SLC24A3: variants seen among roughly 807,000 people sequenced by gnomAD.
The protein encoded by SLC24A3 is sodium/potassium/calcium exchanger 3.
A neutral mutation model predicts 75.8 loss-of-function variants in SLC24A3; 28 were observed. The ratio of observed to expected loss-of-function variants is 0.37; its 90% CI spans 0.27 to 0.51. SLC24A3 has a LOEUF of 0.51. SLC24A3 is among the 20% of genes least tolerant of loss of function. The pLI is 0.94. For missense variants in SLC24A3, 663 were observed against 847.8 expected (o/e 0.78, Z 2.71); for synonymous variants, 372 against 334.1 (o/e 1.11, Z -1.24).
At chr20:19,515,611 C>CT in intron 3 of SLC24A3, 47 bp downstream of exon 3, 1 of 1,597,342 alleles carries the variant, frequency 6.3e-7, no homozygotes, top group Non-Finnish European at 8.6e-7. Context: ...TAGGCTAGGC[C>CT]TAGGGGTGTG....
intron 2 of SLC24A3, among the ~76,000 whole-genome samples, chr20:19,435,657 C>T (rs1209097999): frequency 6.6e-6 from 1 of 152,176 alleles, no homozygotes; most frequent in Non-Finnish European, 1.5e-5. Context: ...GGAGTGCCCA[C>T]CCCTGACAAG....
At chr20:19,690,713 G>A (rs904489691) in intron 12 of SLC24A3, among the ~76,000 whole-genome samples, 1 of 152,112 alleles carries the variant, frequency 6.6e-6, no homozygotes, top group Non-Finnish European at 1.5e-5. Flanking sequence ...GGATTCTGCA[G>A]CATCTGGAAG....
chr20:19,406,516 C>T (rs1278278729), intron 2 of SLC24A3, among the ~76,000 whole-genome samples: 2 of 152,084 alleles, frequency 1.3e-5, no homozygotes, highest in African/African-American at 4.8e-5. Flanking sequence ...ATTGCCAGTC[C>T]ACTCTGAACA....
intron 2 of SLC24A3, among the ~76,000 whole-genome samples, chr20:19,430,543 C>T (rs1257172214): frequency 6.6e-6 from 1 of 152,130 alleles, no homozygotes; most frequent in Non-Finnish European, 1.5e-5. Flanking sequence ...AGAACGTGGA[C>T]TATAGGATTT....
chr20:19,275,690 A>G (rs1332254080), intron 1 of SLC24A3, among the ~76,000 whole-genome samples: 2 of 152,134 alleles, frequency 1.3e-5, no homozygotes, highest in Non-Finnish European at 2.9e-5. Context: ...GGGTGAGCAC[A>G]CAGCTCTGTA....
At chr20:19,406,920 G>A (rs529747942) in intron 2 of SLC24A3, among the ~76,000 whole-genome samples, 46 of 152,320 alleles carry the variant, frequency 3.0e-4, no homozygotes, top group Admixed American at 1.6e-3. Context: ...TGTGAAGGGA[G>A]GGGTCCAGTA....
chr20:19,281,068 C>T lies in SLC24A3; in HGVS notation c.252C>T (p.Ser84=). Residue 84 remains serine, a synonymous_variant, in exon 2 of 17, where the codon AGC becomes AGT. Transcript: ENST00000328041. The part of the protein sequence containing the change: ...LTSEDAGLRN[S]KNCTEPALHE... ...CCGAAGATGCCGGACTCCGGAACAGCAAGAACTGCACCGAACCAGGTAACA... is the reference window on the plus strand; with the variant it reads ...CCGAAGATGCCGGACTCCGGAACAGTAAGAACTGCACCGAACCAGGTAACA... The T allele has an allele frequency of 6.2e-7, 1 of 1,614,140 alleles. No homozygotes were observed. Among genetic ancestry groups the T allele is most frequent in the Non-Finnish European group, 8.5e-7 (1 of 1,179,998 alleles).
chr20:19,474,734 G>A (rs1407409019), intron 2 of SLC24A3, among the ~76,000 whole-genome samples: 1 of 152,070 alleles, frequency 6.6e-6, no homozygotes, highest in Admixed American at 6.6e-5. Context: ...TTGTGTGTGT[G>A]GTAAGAACAT....
chr20:19,454,530 A>G (rs1243030361), intron 2 of SLC24A3, among the ~76,000 whole-genome samples: 1 of 152,194 alleles, frequency 6.6e-6, no homozygotes, highest in African/African-American at 2.4e-5. Flanking sequence ...TTCATGGCCC[A>G]GGCTTGGGGG....
intron 3 of SLC24A3, among the ~76,000 whole-genome samples, chr20:19,576,527 C>T (rs1488261992): frequency 2.0e-5 from 3 of 152,174 alleles, no homozygotes; most frequent in Non-Finnish European, 4.4e-5. Flanking sequence ...CATCACCTCG[C>T]AGGCCTCTCT....
chr20:19,285,192 A>C (rs1209575366), intron 2 of SLC24A3, among the ~76,000 whole-genome samples: 1 of 152,168 alleles, frequency 6.6e-6, no homozygotes, highest in Non-Finnish European at 1.5e-5. Flanking sequence ...TTTCAAAAAA[A>C]TGGCACTGGG....
rs548258535 is a variant in SLC24A3, at chr20:19,312,711, G to A, written c.271+31624G>A. ...TTTGTTGCCCTCACACCTTTTGTCT[G>A]GACTTTATGTTGACAAGTGTGATGG... On this transcript the variant is annotated intron_variant, in intron 2 of 16. Coordinates refer to ENST00000328041, the MANE Select transcript of SLC24A3 (RefSeq NM_020689.4). 7.9e-5 allele frequency among the ~76,000 whole-genome samples: 12 copies of A among 152,300 alleles called. No homozygotes were observed. The South Asian group carries it at 2.5e-3, about 32-fold the overall frequency.
At chr20:19,442,171 G>A (rs150566855) in intron 2 of SLC24A3, among the ~76,000 whole-genome samples, 243 of 152,312 alleles carry the variant, frequency 1.6e-3, no homozygotes, top group African/African-American at 5.6e-3. Context: ...GAATATTTAT[G>A]TGTAGGCTGT....
chr20:19,541,056 A>G (rs925243282), intron 3 of SLC24A3, among the ~76,000 whole-genome samples: 3 of 152,204 alleles, frequency 2.0e-5, no homozygotes, highest in African/African-American at 7.2e-5. Context: ...TGCTTTAAGA[A>G]AACCCCATAC....
chr20:19,272,047 G>A (rs745426510), intron 1 of SLC24A3, among the ~76,000 whole-genome samples: 5 of 152,246 alleles, frequency 3.3e-5, no homozygotes, highest in Non-Finnish European at 5.9e-5. Context: ...ACTCCCATGT[G>A]GATGCTGAAG....
At chr20:19,581,802 G>A (rs2031222176) in intron 4 of SLC24A3, among the ~76,000 whole-genome samples, 1 of 152,116 alleles carries the variant, frequency 6.6e-6, no homozygotes, top group Non-Finnish European at 1.5e-5. Flanking sequence ...AAGTCTTCAG[G>A]CTTTTCTCTA....
intron 2 of SLC24A3, among the ~76,000 whole-genome samples, chr20:19,463,404 G>A (rs1159517911): frequency 6.6e-6 from 1 of 152,308 alleles, no homozygotes; most frequent in East Asian, 1.9e-4. Flanking sequence ...AATGTCACAG[G>A]CTCCCAGAAT....
chr20:19,282,160 T>C (rs1205807538), intron 2 of SLC24A3, among the ~76,000 whole-genome samples: 1 of 152,214 alleles, frequency 6.6e-6, no homozygotes, highest in Non-Finnish European at 1.5e-5. Context: ...GTCAGAGAAT[T>C]GCAGGTCTGC....
chr20:19,337,439 C>T (rs918628409), intron 2 of SLC24A3, among the ~76,000 whole-genome samples: 2 of 145,906 alleles, frequency 1.4e-5, no homozygotes, highest in Non-Finnish European at 3.0e-5. Context: ...AGCGAAACTC[C>T]ATCTCAAAAT....
Sources: allele counts gnomAD v4.1 joint callset (sites outside exome capture counted in the v4.1 genomes callset), GRCh38; gene constraint gnomAD v4.1.1; transcripts MANE v1.5; gene names NCBI Gene and HGNC (gene_info 2026-07-23, HGNC 2026-07-21).